SLC13A2: variants seen among roughly 807,000 people sequenced by gnomAD.
SLC13A2 encodes Na(+)-coupled citrate transporter.
SLC13A2 carries 40 observed loss-of-function variants against 58.5 expected under a neutral mutation model. That is an observed-to-expected ratio of 0.68 (90% confidence interval 0.53 to 0.89). SLC13A2 has a LOEUF of 0.89. Ranked by LOEUF, SLC13A2 falls within the 40% of genes least tolerant of loss-of-function variation. SLC13A2 has a pLI of 0.00. For synonymous variants in SLC13A2, 341 were observed against 331.6 expected, an observed-to-expected ratio of 1.03 and a Z score of -0.31; for missense variants, 694 against 772.6, an observed-to-expected ratio of 0.90 and a Z score of 1.21.
rs1364665661 is a variant in SLC13A2 at position 28,494,853 on chromosome 17, G to GGTTGT, written c.1308+346_1308+350dup. Among the ~76,000 whole-genome samples the GGTTGT allele has an allele frequency of 2.0e-5, 3 of 152,156 alleles. No homozygotes were observed. The highest frequency in any genetic ancestry group is 4.4e-5 in the Non-Finnish European group (3 of 68,032). On this transcript the variant is annotated intron_variant, in intron 9 of 11. Transcript: ENST00000314669. This position sits in a 1 kb window ranked among gnomAD's most constrained non-coding sequence, Gnocchi z 4.0. ...TAGCATCAGCACCAAAGTAATTGGG[G>GGTTGT]GTTGTGTTGACGCGGTCTGCCCTCC...
Position 28,494,649 on chromosome 17 carries a change from A to C in SLC13A2, c.1308+137A>C. The C allele has an allele frequency of 7.8e-7, 1 of 1,280,156 alleles. No homozygotes were observed. Among genetic ancestry groups the C allele is most frequent in the Non-Finnish European group, 1.1e-6 (1 of 936,950 alleles). The allele number at this position is 1,280,156 out of a possible 1,614,324, so 79.3% of individuals were successfully genotyped here. On this transcript the variant is annotated intron_variant, in intron 9 of 11. Transcript: ENST00000314669. The surrounding 1 kb of genome is among the most constrained non-coding windows in gnomAD (Gnocchi z 4.0). ...CCTCTCGGGTAGGCAGAGCCTTTGCAGCAGCTGGGAAGACTTAGGTTAGAG... is the reference window on the plus strand; with the variant it reads ...CCTCTCGGGTAGGCAGAGCCTTTGCCGCAGCTGGGAAGACTTAGGTTAGAG...
chr17:28,489,185 C>G (rs782223447), intron 1 of SLC13A2, 29 bp from the exon 2 acceptor site: 3 of 1,609,786 alleles, frequency 1.9e-6, no homozygotes, highest in Non-Finnish European at 2.5e-6. Flanking sequence ...GGCCCTCTGA[C>G]AGCTCTGCCG....
In SLC13A2 at chr17:28,497,761, A is replaced by T. The variant is rs1009126392; in HGVS notation, c.*492A>T. ...ACAGCCTCTGGGCTGTTAAAGTCAC[A>T]TTAAAGTCTTTTTCAGTAAAGTCTG... On this transcript the variant is annotated 3_prime_UTR_variant, in exon 12 of 12. Coordinates refer to ENST00000314669, the MANE Select transcript of SLC13A2 (RefSeq NM_003984.4). 1 of 155,250 alleles carries T rather than the reference A, an allele frequency of 6.4e-6. No homozygotes were observed. Among genetic ancestry groups the T allele is most frequent in the African/African-American group, 2.4e-5 (1 of 41,544 alleles). 9.6% of individuals were successfully genotyped at this position (155,250 alleles called of 1,614,324 possible).
At chr17:28,493,996 C>T (rs1555604121) in intron 7 of SLC13A2, 21 bp from the exon 8 acceptor site, 1 of 1,611,686 alleles carries the variant, frequency 6.2e-7, no homozygotes, top group East Asian at 2.2e-5. Flanking sequence ...CCAGCCCTCC[C>T]CGCGCCCCCT....
At chr17:28,479,438 C>T (rs960735663) in intron 1 of SLC13A2, among the ~76,000 whole-genome samples, 2 of 152,040 alleles carry the variant, frequency 1.3e-5, no homozygotes, top group Non-Finnish European at 2.9e-5. Flanking sequence ...AATGTCAGCC[C>T]TACAAGGCTA....
chr17:28,475,465 A>G (rs2068654660), intron 1 of SLC13A2, among the ~76,000 whole-genome samples: 1 of 152,138 alleles, frequency 6.6e-6, no homozygotes, highest in Admixed American at 6.6e-5. Context: ...CCATCCACAT[A>G]CGGAGGTGCT....
intron 1 of SLC13A2, 116 bp downstream of exon 1, chr17:28,473,930 A>T (rs1274394973): frequency 4.8e-6 from 4 of 826,328 alleles, no homozygotes; most frequent in Non-Finnish European, 7.8e-6. Flanking sequence ...CCTGCCCTGG[A>T]AGTGAGGCTA....
At chr17:28,491,651 C>A (rs1567856551) in intron 5 of SLC13A2, 34 bp downstream of exon 5, 1 of 1,609,204 alleles carries the variant, frequency 6.2e-7, no homozygotes, top group Non-Finnish European at 8.5e-7. Flanking sequence ...CTTGGGGGAT[C>A]TGCACATTCA....
At chr17:28,481,612 G>A (rs1181454298) in intron 1 of SLC13A2, among the ~76,000 whole-genome samples, 2 of 152,138 alleles carry the variant, frequency 1.3e-5, no homozygotes, top group Non-Finnish European at 2.9e-5. Flanking sequence ...AAAAATCAGG[G>A]GAATTGGCAA....
Position 28,490,792 on chromosome 17 carries a change from GC to G in SLC13A2, c.462del (p.Val155SerfsTer34), listed in dbSNP as rs782762651. 56 of 1,614,144 alleles carry G rather than the reference GC, an allele frequency of 3.5e-5. No individual in the cohort carries two copies. The South Asian group carries it at 5.9e-4, about 17-fold the overall frequency. ...AGCCATGATGGTGCCCATCGCACAT[GC>G]CGTCCTGGACCAGCTGCACAGCTCG... ...TSAMMVPIAH[A>X]VLDQLHSSQA... On this transcript the variant is annotated frameshift_variant, in exon 4 of 12. Transcript: ENST00000314669. LOFTEE classifies it high-confidence loss of function.
chr17:28,497,405 C>G lies in SLC13A2; in HGVS notation c.*136C>G. On this transcript the variant is annotated 3_prime_UTR_variant, in exon 12 of 12. Coordinates refer to ENST00000314669, the MANE Select transcript of SLC13A2 (RefSeq NM_003984.4). ...AGGCACGTGTGTACATAATCTCTTGCGTGTCTGTAAGGAAGGGGTGTATGC... is the reference window on the plus strand; with the variant it reads ...AGGCACGTGTGTACATAATCTCTTGGGTGTCTGTAAGGAAGGGGTGTATGC... The G allele has an allele frequency of 1.1e-6, 1 of 949,094 alleles. No homozygotes were observed. Among genetic ancestry groups the G allele is most frequent in the South Asian group, 1.7e-5 (1 of 58,584 alleles). The allele number at this position is 949,094 out of a possible 1,614,324, so 58.8% of individuals were successfully genotyped here.
intron 1 of SLC13A2, among the ~76,000 whole-genome samples, chr17:28,477,484 A>C (rs144355384): frequency 8.9e-6 from 1 of 112,808 alleles, no homozygotes; most frequent in African/African-American, 2.7e-5. Context: ...GTGAGCCACC[A>C]TGCCCGGCCA....
chr17:28,494,220 G>T lies in SLC13A2; in HGVS notation c.1186+115G>T. 2 of 1,474,312 alleles carry T rather than the reference G, an allele frequency of 1.4e-6. No individual in the cohort carries two copies. Among genetic ancestry groups the T allele is most frequent in the Admixed American group, 1.8e-5 (1 of 55,598 alleles). 91.3% of individuals were successfully genotyped at this position (1,474,312 alleles called of 1,614,324 possible). On this transcript the variant is annotated intron_variant, in intron 8 of 11. Transcript: ENST00000314669. This position sits in a 1 kb window ranked among gnomAD's most constrained non-coding sequence, Gnocchi z 4.0. ...AGGCAAAGCCCAGAAAGGCTGGAGC[G>T]ACTTGCCAAGGGCACAGGGACTCGG...
intron 1 of SLC13A2, among the ~76,000 whole-genome samples, chr17:28,474,801 T>G (rs1330437883): frequency 1.3e-5 from 2 of 152,166 alleles, no homozygotes; most frequent in African/African-American, 4.8e-5. Context: ...GGGTGTGATC[T>G]GGTGCCAAAG....
At chr17:28,493,924 T>C in intron 7 of SLC13A2, 93 bp from the exon 8 acceptor site, 1 of 1,481,980 alleles carries the variant, frequency 6.7e-7, no homozygotes, top group Non-Finnish European at 9.4e-7. Context: ...GGCTTGTCTA[T>C]GGGAGAGGCT....
At chr17:28,482,805 C>T (rs1294568538) in intron 1 of SLC13A2, among the ~76,000 whole-genome samples, 2 of 152,176 alleles carry the variant, frequency 1.3e-5, no homozygotes, top group African/African-American at 2.4e-5. Context: ...CCTCAGTACC[C>T]GCTCAAGGTT....
intron 2 of SLC13A2, 91 bp from the exon 3 acceptor site, chr17:28,490,363 G>A (rs782222691): frequency 1.2e-5 from 19 of 1,613,662 alleles, no homozygotes; most frequent in Non-Finnish European, 1.5e-5. Context: ...GCCAGTCTGT[G>A]GGAATGTCAG....
chr17:28,497,174 C>G lies in SLC13A2; in HGVS notation c.1684C>G (p.Leu562Val), dbSNP rs989535572. Residue 562 changes from leucine to valine, a missense_variant, in exon 12 of 12, where the codon CTC (leucine) becomes GTC (valine). Coordinates refer to ENST00000314669, the MANE Select transcript of SLC13A2 (RefSeq NM_003984.4). ...GGCCATCAACAGCTGGGGCATCCCC[C>G]TCTTCAGCCTGCACTCTTTCCCCTC... ...ALAINSWGIP[L>V]FSLHSFPSWA... 1.2e-6 allele frequency: 2 copies of G among 1,614,178 alleles called. No homozygotes were observed. The highest frequency in any genetic ancestry group is 1.7e-6 in the Non-Finnish European group (2 of 1,180,016).
intron 1 of SLC13A2, among the ~76,000 whole-genome samples, chr17:28,482,047 C>T (rs1555601222): frequency 1.3e-5 from 2 of 152,084 alleles, no homozygotes; most frequent in East Asian, 1.9e-4. Context: ...GACAGGGTCT[C>T]ACTCTGTCAC....
Sources: gnomAD v4.1 joint callset for allele counts (sites outside exome capture counted in the v4.1 genomes callset) on GRCh38, gnomAD v4.1.1 for gene constraint, Gnocchi (gnomAD v3.1) non-coding constraint, MANE v1.5 for transcripts, NCBI Gene and HGNC (gene_info 2026-07-23, HGNC 2026-07-21) for gene names.